The following RESF1 variants were observed in gnomAD, a reference collection of about 807,000 sequenced individuals.
RESF1 encodes retroelement silencing factor 1.
RESF1 carries 65 observed loss-of-function variants against 134.7 expected under a neutral mutation model. The ratio of observed to expected loss-of-function variants is 0.48; its 90% CI spans 0.40 to 0.59. The LOEUF is 0.59. Among genes scored for constraint, RESF1 ranks in the 20% least tolerant of loss-of-function variants. The pLI is 0.00. For missense variants in RESF1, 2,274 were observed against 2,002.7 expected (o/e 1.14, Z -2.59); for synonymous variants, 762 against 702.2 (o/e 1.09, Z -1.35).
chr12:31,978,224 A>G (rs879597158), intron 3 of RESF1, among the ~76,000 whole-genome samples: 1 of 152,040 alleles, frequency 6.6e-6, no homozygotes, highest in Admixed American at 6.6e-5. Context: ...TATTTTTTTA[A>G]TGGTATTTTA....
chr12:31,976,381 A>G (rs950652747), intron 3 of RESF1, among the ~76,000 whole-genome samples: 11 of 152,234 alleles, frequency 7.2e-5, no homozygotes, highest in Non-Finnish European at 4.4e-5. Context: ...TGTATGTTAC[A>G]TGTATTATAT....
chr12:31,984,575 G>A lies in RESF1; in HGVS notation c.3620G>A (p.Cys1207Tyr), dbSNP rs756473146. Residue 1207 changes from cysteine to tyrosine, a missense_variant, in exon 4 of 6, where the codon TGT becomes TAT. Cys to Tyr is a radical substitution (Grantham distance 194, BLOSUM62 -2). Coordinates refer to ENST00000312561, the MANE Select transcript of RESF1 (RefSeq NM_018169.4). ...SSEEEKQKEQ[C>Y]SPLDTNSCKQ... ...GAGGAAGAGAAACAAAAAGAGCAGT[G>A]TTCTCCTTTGGATACCAACAGTTGT... 2.5e-6 allele frequency: 4 copies of A among 1,586,952 alleles called. No individual in the cohort carries two copies. Among genetic ancestry groups the A allele is most frequent in the Non-Finnish European group, 3.4e-6 (4 of 1,169,052 alleles).
intron 2 of RESF1, among the ~76,000 whole-genome samples, chr12:31,968,650 G>A (rs931940164): frequency 3.3e-5 from 5 of 151,658 alleles, no homozygotes; most frequent in South Asian, 4.2e-4. Flanking sequence ...GGGTTTCACC[G>A]TGTTAGCCAG....
Position 31,984,951 on chromosome 12 carries a change from T to C in RESF1, c.3996T>C (p.Arg1332=). The C allele has an allele frequency of 1.2e-6, 2 of 1,613,290 alleles. No individual in the cohort carries two copies. The highest frequency in any genetic ancestry group is 1.7e-6 in the Non-Finnish European group (2 of 1,179,818). Residue 1332 remains arginine (R), a synonymous_variant, in exon 4 of 6, where the codon CGT becomes CGC. Transcript: ENST00000312561. Reference sequence around the variant, plus strand: ...AGAAACATGTAACACAGAACTCACGTCCACTAAAAACAAAAACAGCTTTTT... The same window carrying C: ...AGAAACATGTAACACAGAACTCACGCCCACTAAAAACAAAAACAGCTTTTT... ...RQKKHVTQNS[R]PLKTKTAFLP... is the part of the protein sequence containing the mutation.
chr12:31,976,976 T>A (rs899833111), intron 3 of RESF1, among the ~76,000 whole-genome samples: 1 of 152,192 alleles, frequency 6.6e-6, no homozygotes, highest in Non-Finnish European at 1.5e-5. Context: ...TTTACGTAAT[T>A]CCCTATATAG....
chr12:31,961,000 A>T (rs2120743286), intron 2 of RESF1, 129 bp downstream of exon 2: 1 of 152,344 alleles, frequency 6.6e-6, no homozygotes, highest in South Asian at 2.1e-4. Flanking sequence ...TTTTAAATTA[A>T]ACTGTGGGTC....
At chr12:31,988,541 A>G (rs572882289) in intron 5 of RESF1, among the ~76,000 whole-genome samples, 4 of 152,282 alleles carry the variant, frequency 2.6e-5, no homozygotes, top group African/African-American at 7.2e-5. Flanking sequence ...TTTGGTATCT[A>G]TTTGGGTGGA....
At chr12:31,977,388 GT>G (rs1439236198) in intron 3 of RESF1, among the ~76,000 whole-genome samples, 3 of 152,120 alleles carry the variant, frequency 2.0e-5, no homozygotes, top group Non-Finnish European at 4.4e-5. Context: ...CACCATCCAT[GT>G]TGGTCAGGTT....
intron 2 of RESF1, chr12:31,962,613 A>C (rs1427251189): frequency 6.6e-6 from 1 of 152,220 alleles, no homozygotes; most frequent in Non-Finnish European, 1.5e-5. Flanking sequence ...GCAAAGATTT[A>C]ATGACAGTAA....
intron 5 of RESF1, among the ~76,000 whole-genome samples, chr12:31,991,901 A>G (rs1250048403): frequency 1.3e-5 from 2 of 152,246 alleles, no homozygotes; most frequent in Non-Finnish European, 1.5e-5. Context: ...CACTGAAGCT[A>G]ATGTAACACT....
rs1346969957 is a variant in RESF1, at chr12:31,981,300, C to A, written c.345C>A (p.Thr115=). Residue 115 remains threonine (T), a synonymous_variant, in exon 4 of 6, where the codon ACC becomes ACA. Coordinates refer to ENST00000312561, the MANE Select transcript of RESF1 (RefSeq NM_018169.4). ...ATTTGCAGATGTCTTCAGGAGTTAC[C>A]CAAAACGTATGGTTGAACTCACCAA... ...THNLQMSSGV[T]QNVWLNSPMR... 2.5e-6 allele frequency: 4 copies of A among 1,613,872 alleles called. No homozygotes were observed. The African/African-American group carries it at 5.3e-5, about 22-fold the overall frequency.
At chr12:31,974,252 A>G (rs1939579890) in intron 3 of RESF1, among the ~76,000 whole-genome samples, 1 of 151,782 alleles carries the variant, frequency 6.6e-6, no homozygotes, top group African/African-American at 2.4e-5. Context: ...TGTGTCAGGA[A>G]CCGGGTTCAA....
chr12:31,991,174 G>A (rs927281442), intron 5 of RESF1, among the ~76,000 whole-genome samples: 48 of 147,652 alleles, frequency 3.3e-4, no homozygotes, highest in African/African-American at 8.2e-4. Context: ...TCCAGCCTGG[G>A]CAACAGAGCC....
chr12:31,985,267 T>A lies in RESF1; in HGVS notation c.4312T>A (p.Ser1438Thr). Reference sequence around the variant, plus strand: ...GTCTGTAGACACGAAAGCGAGTTCATCTAAATTTAGTAGAATTCTAACTCC... The same window carrying A: ...GTCTGTAGACACGAAAGCGAGTTCAACTAAATTTAGTAGAATTCTAACTCC... ...TKSVDTKASSSKFSRILTPKE... is the reference protein window; with the variant it reads ...TKSVDTKASSTKFSRILTPKE... The change falls in exon 4 of 6, where the codon TCT becomes ACT. Residue 1438 changes from serine (S) to threonine (T), a missense_variant. By Grantham distance (58) the Ser-to-Thr change is moderately conservative (BLOSUM62 1). Coordinates refer to ENST00000312561, the MANE Select transcript of RESF1 (RefSeq NM_018169.4). 3 of 1,611,830 alleles carry A rather than the reference T, an allele frequency of 1.9e-6. No individual in the cohort carries two copies. Among genetic ancestry groups the A allele is most frequent in the Non-Finnish European group, 2.5e-6 (3 of 1,179,548 alleles).
In RESF1 at chr12:31,975,264, GAA is replaced by G. The variant is rs373522445; in HGVS notation, c.-79+4916_-79+4917del. ...TGGGCGACAGAGCGAGACTCCATCT[GAA>G]AAAAAAAGAAAAAGAAAACTGAGCT... On this transcript the variant is annotated intron_variant, in intron 3 of 5. Coordinates refer to ENST00000312561, the MANE Select transcript of RESF1 (RefSeq NM_018169.4). Among the ~76,000 whole-genome samples, 14 of 149,778 alleles carry G rather than the reference GAA, an allele frequency of 9.3e-5. No homozygotes were observed. The East Asian group carries it at 2.3e-3, about 25-fold the overall frequency.
chr12:31,990,142 A>G (rs1025237421), intron 5 of RESF1, among the ~76,000 whole-genome samples: 2 of 152,218 alleles, frequency 1.3e-5, no homozygotes, highest in Non-Finnish European at 2.9e-5. Flanking sequence ...CTGAAGCTGA[A>G]AACACTCAAA....
chr12:31,969,110 T>C (rs1264229439), intron 2 of RESF1, among the ~76,000 whole-genome samples: 10 of 152,236 alleles, frequency 6.6e-5, no homozygotes, highest in Middle Eastern at 3.4e-3. Context: ...CTAGCTAGTG[T>C]TTCTATTTTT....
intron 2 of RESF1, among the ~76,000 whole-genome samples, chr12:31,961,764 TA>T (rs1565835805): frequency 6.6e-6 from 1 of 152,168 alleles, no homozygotes; most frequent in African/African-American, 2.4e-5. Context: ...TTGTTTGGAA[TA>T]AAAAATGCCT....
In RESF1 at chr12:31,984,403, C is replaced by A. The variant is rs781413996; in HGVS notation, c.3448C>A (p.Gln1150Lys). Residue 1150 changes from glutamine (Q) to lysine (K), a missense_variant, in exon 4 of 6, where the codon CAG becomes AAG. Coordinates refer to ENST00000312561, the MANE Select transcript of RESF1 (RefSeq NM_018169.4). ...ITEVVSQCDL[Q>K]APAAGQSRDS... is the part of the protein sequence containing the mutation. ...AGAAGTAGTTAGCCAGTGTGACCTG[C>A]AGGCACCTGCAGCTGGACAAAGTCG... The A allele has an allele frequency of 6.2e-6, 10 of 1,614,048 alleles. No homozygotes were observed. The highest frequency in any genetic ancestry group is 8.5e-6 in the Non-Finnish European group (10 of 1,180,022).
Sources: allele counts gnomAD v4.1 joint callset (sites outside exome capture counted in the v4.1 genomes callset), GRCh38; gene constraint gnomAD v4.1.1; transcripts MANE v1.5; gene names NCBI Gene and HGNC (gene_info 2026-07-23, HGNC 2026-07-21).